CCL24: variants seen among roughly 807,000 people sequenced by gnomAD.
CCL24 encodes the protein C-C motif chemokine ligand 24.
Under a neutral mutation model 8.6 loss-of-function variants are expected in CCL24, and 6 were observed. That is an observed-to-expected ratio of 0.70 (90% confidence interval 0.38 to 1.38). CCL24 has a LOEUF of 1.38. CCL24 is among the 40% of genes most tolerant of loss of function. The probability of loss-of-function intolerance (pLI) is 0.02; values close to 1 mark genes in which losing one functional copy is unlikely to be tolerated. For synonymous variants in CCL24, 59 were observed against 52.7 expected (o/e 1.12, Z -0.52); for missense variants, 126 against 147.1 (o/e 0.86, Z 0.74).
rs1335477461 is a variant in CCL24 at position 75,810,888 on chromosome 7, A to G, written c.*908T>C. On this transcript the variant is annotated 3_prime_UTR_variant, in exon 3 of 3. Coordinates refer to ENST00000222902, the MANE Select transcript of CCL24 (RefSeq NM_002991.3). ...ATTTGAGAACAGCAACTGTGTCTAC[A>G]CTCTTGATAAACCCACACAGTATAT... Among the ~76,000 whole-genome samples the G allele has an allele frequency of 6.6e-6, 1 of 151,954 alleles. No individual in the cohort carries two copies. Among genetic ancestry groups the G allele is most frequent in the Non-Finnish European group, 1.5e-5 (1 of 67,992 alleles).
At chr7:75,812,013 G>C in intron 2 of CCL24, 49 bp from the exon 3 acceptor site, 1 of 1,540,486 alleles carries the variant, frequency 6.5e-7, no homozygotes. Flanking sequence ...AGGGACCTTG[G>C]GCCACTCCAC....
At chr7:75,813,089 C>T (rs11465295) in intron 2 of CCL24, among the ~76,000 whole-genome samples, 12,367 of 152,094 alleles carry the variant, frequency 0.081, 641 homozygotes, top group East Asian at 0.17. Flanking sequence ...GCTTGGGTGA[C>T]AGAGCAAGAC....
chr7:75,816,147 G>A (rs1215560250), upstream of CCL24, among the ~76,000 whole-genome samples: 1 of 152,120 alleles, frequency 6.6e-6, no homozygotes, highest in Admixed American at 6.6e-5. Context: ...GCCAAGTGCC[G>A]AGCAAATCAC....
Position 75,820,155 on chromosome 7 carries a change from CTCCTTCTCCTT to C in CCL24, c.-60+3156_-60+3166del, listed in dbSNP as rs1804014724. On this transcript the variant is annotated intron_variant, in intron 1 of 3. Coordinates refer to the CCL24 transcript ENST00000416943. ...TCTCCTCCTCCTCCTCCTCCTCCTT[CTCCTTCTCCTT>C]CTCCTTCTCCTTCTCCTTCTCCTTC... Among the ~76,000 whole-genome samples the C allele has an allele frequency of 5.9e-4, 21 of 35,530 alleles. 2 individuals are homozygous for C. The South Asian group carries it at 6.5e-3, about 11-fold the overall frequency. 23.3% of individuals were successfully genotyped at this position (35,530 alleles called of 152,430 possible). A position where few individuals can be genotyped will look rare whatever the true frequency, so the allele number is the denominator to read the frequency against.
chr7:75,817,610 C>T (rs1207079499), upstream of CCL24, among the ~76,000 whole-genome samples: 1 of 150,986 alleles, frequency 6.6e-6, no homozygotes, highest in Non-Finnish European at 1.5e-5. Context: ...TCAAGCAATT[C>T]TCATGCCTCA....
intron 2 of CCL24, among the ~76,000 whole-genome samples, chr7:75,812,750 T>C (rs1256492416): frequency 2.0e-5 from 3 of 152,164 alleles, no homozygotes; most frequent in East Asian, 1.9e-4. Context: ...GTCAACATGG[T>C]GAAACCCTGT....
At position 75,811,441 on chromosome 7, in the gene CCL24, T is replaced by C. The variant is rs1214448538; in HGVS notation, c.*355A>G. Among the ~76,000 whole-genome samples, 1 of 150,202 alleles carries C rather than the reference T, an allele frequency of 6.7e-6. No individual in the cohort carries two copies. The highest frequency in any genetic ancestry group is 1.5e-5 in the Non-Finnish European group (1 of 67,754). On this transcript the variant is annotated 3_prime_UTR_variant, in exon 3 of 3. Transcript: ENST00000222902. The stretch of plus-strand genomic sequence containing the variant: ...TTGCAGTGAACCGAGATTGTGCCAC[T>C]GCACTCCAGCCTGGGTGACAGAGCG...
At chr7:75,820,018 A>ACTT (rs1204717433) in intron 1 of CCL24, among the ~76,000 whole-genome samples, 7,586 of 103,880 alleles carry the variant, frequency 0.073, 377 homozygotes, top group East Asian at 0.096. Flanking sequence ...TTAGTAAACT[A>ACTT]CTTCTTCTTC....
rs7808004 is a variant in CCL24, at chr7:75,819,303, A to T, written c.-60+4019T>A. ...AAAAAAAAAAAAAAAAAAAAAAAAA[A>T]ATATATATATATATATATATATATA... On this transcript the variant is annotated intron_variant, in intron 1 of 3. Transcript: ENST00000416943. 3.6e-3 allele frequency among the ~76,000 whole-genome samples: 61 copies of T among 17,036 alleles called. 1 individual carries two copies. Among genetic ancestry groups the T allele is most frequent in the African/African-American group, 0.011 (39 of 3,498 alleles). The allele number at this position is 17,036 out of a possible 152,430, so 11.2% of individuals were successfully genotyped here.
upstream of CCL24, among the ~76,000 whole-genome samples, chr7:75,817,120 C>T (rs1554534251): frequency 6.6e-6 from 1 of 152,150 alleles, no homozygotes; most frequent in Non-Finnish European, 1.5e-5. Context: ...CCCACCTCGA[C>T]CTCCCAAAGC....
intron 1 of CCL24, among the ~76,000 whole-genome samples, chr7:75,823,145 CA>C (rs1804083542): frequency 6.6e-6 from 1 of 152,062 alleles, no homozygotes; most frequent in South Asian, 2.1e-4. Context: ...GGGTGTGATG[CA>C]GGGGGGAGAG....
rs1554533759 is a variant in CCL24 at position 75,813,656 on chromosome 7, G to A, written c.60C>T (p.His20=). ...CGGAGGTCTTACCCGTAGGGATGATGTGGTGGGCACAGACACCAAGGAACA... is the reference window on the plus strand; with the variant it reads ...CGGAGGTCTTACCCGTAGGGATGATATGGTGGGCACAGACACCAAGGAACA... The part of the protein sequence containing the change: ...SLLFLGVCAH[H]IIPTGSVVIP... The change falls in exon 1 of 3, where the codon CAC becomes CAT. Residue 20 remains histidine, a synonymous_variant. Transcript: ENST00000222902. 2 of 1,613,638 alleles carry A rather than the reference G, an allele frequency of 1.2e-6. No individual in the cohort carries two copies. The highest frequency in any genetic ancestry group is 1.1e-5 in the South Asian group (1 of 91,064).
chr7:75,819,223 G>A (rs1302889043), intron 1 of CCL24, among the ~76,000 whole-genome samples: 11 of 119,190 alleles, frequency 9.2e-5, no homozygotes, highest in Admixed American at 7.6e-4. Context: ...AGTGGAGATC[G>A]CACCATTGCA....
At chr7:75,816,750 C>T (rs1233833821), upstream of CCL24, among the ~76,000 whole-genome samples, 13 of 150,912 alleles carry the variant, frequency 8.6e-5, no homozygotes, top group Middle Eastern at 3.4e-3. Context: ...TTAGTAGAGA[C>T]GGGATTTCAC....
upstream of CCL24, among the ~76,000 whole-genome samples, chr7:75,814,928 C>G (rs1230080836): frequency 3.3e-5 from 5 of 151,988 alleles, no homozygotes; most frequent in African/African-American, 1.2e-4. Flanking sequence ...CCGATGGTCT[C>G]TCGTGGAAGC....
Position 75,811,709 on chromosome 7 carries a change from T to TC in CCL24, c.*86dup. On this transcript the variant is annotated 3_prime_UTR_variant, in exon 3 of 3. Coordinates refer to ENST00000222902, the MANE Select transcript of CCL24 (RefSeq NM_002991.3). ...GCTAAGAAACAGGAAAATTAGCTCT[T>TC]CCCCCCATCACTGTGGCTTCTCCAG... 6 of 1,207,378 alleles carry TC rather than the reference T, an allele frequency of 5.0e-6. No individual in the cohort carries two copies. Among genetic ancestry groups the TC allele is most frequent in the Non-Finnish European group, 7.0e-6 (6 of 859,788 alleles). The allele number at this position is 1,207,378 out of a possible 1,614,324, so 74.8% of individuals were successfully genotyped here.
upstream of CCL24, among the ~76,000 whole-genome samples, chr7:75,815,245 G>A (rs3779425): frequency 0.092 from 13,954 of 151,678 alleles, 868 homozygotes; most frequent in East Asian, 0.31. Context: ...AGGCTGAGGG[G>A]GCAGGATCAC....
At chr7:75,820,912 TATCCATCAATTC>T (rs1251888426) in intron 1 of CCL24, among the ~76,000 whole-genome samples, 1 of 144,134 alleles carries the variant, frequency 6.9e-6, no homozygotes, top group Non-Finnish European at 1.5e-5. Context: ...TCCATCCATC[TATCCATCAATTC>T]ATCCATCCAT....
chr7:75,813,645 G>A lies in CCL24; in HGVS notation c.71C>T (p.Thr24Met), dbSNP rs200038952. Residue 24 changes from threonine to methionine, a missense_variant and splice_region_variant, in exon 1 of 3, where the codon ACG (threonine) becomes ATG (methionine). Transcript: ENST00000222902. The part of the protein sequence containing the change: ...LGVCAHHIIP[T>M]GSVVIPSPCC... The stretch of plus-strand genomic sequence containing the variant: ...CTGCATCCTGTCGGAGGTCTTACCC[G>A]TAGGGATGATGTGGTGGGCACAGAC... 18 of 1,612,606 alleles carry A rather than the reference G, an allele frequency of 1.1e-5. No individual in the cohort carries two copies. The highest frequency in any genetic ancestry group is 6.7e-5 in the East Asian group (3 of 44,878).
Sources: allele counts gnomAD v4.1 joint callset (sites outside exome capture counted in the v4.1 genomes callset), GRCh38; gene constraint gnomAD v4.1.1; transcripts MANE v1.5; gene names NCBI Gene and HGNC (gene_info 2026-07-23, HGNC 2026-07-21).